SLCO2A1: variants seen among roughly 807,000 people sequenced by gnomAD.
The protein encoded by SLCO2A1 is matrin F/G 1.
Under a neutral mutation model 71.7 loss-of-function variants are expected in SLCO2A1, and 60 were observed. The observed-to-expected ratio is 0.84, with a 90% CI of 0.68 to 1.04. SLCO2A1 has a LOEUF of 1.04. SLCO2A1 is among the 50% of genes least tolerant of loss of function. SLCO2A1 has a pLI of 0.00. For synonymous variants in SLCO2A1, 308 were observed against 326.7 expected, an observed-to-expected ratio of 0.94 and a Z score of 0.62; for missense variants, 745 against 813.4, an observed-to-expected ratio of 0.92 and a Z score of 1.02.
At chr3:133,937,961 G>A (rs563273642) in intron 12 of SLCO2A1, among the ~76,000 whole-genome samples, 9 of 152,224 alleles carry the variant, frequency 5.9e-5, no homozygotes, top group Non-Finnish European at 1.3e-4. Context: ...GCTCTGGACT[G>A]CTTGAGGGCA....
At chr3:134,014,741 G>A (rs759320517) in intron 1 of SLCO2A1, among the ~76,000 whole-genome samples, 3 of 152,180 alleles carry the variant, frequency 2.0e-5, no homozygotes, top group African/African-American at 4.8e-5. Flanking sequence ...GAGATGTTCC[G>A]TGGTCACGGG....
chr3:134,017,370 C>G (rs1935476808), intron 1 of SLCO2A1, among the ~76,000 whole-genome samples: 1 of 152,178 alleles, frequency 6.6e-6, no homozygotes, highest in Admixed American at 6.5e-5. Context: ...GCACTAGGAA[C>G]TCAGCTGACT....
At chr3:134,024,554 T>C (rs1935658874) in intron 1 of SLCO2A1, among the ~76,000 whole-genome samples, 1 of 152,200 alleles carries the variant, frequency 6.6e-6, no homozygotes, top group Non-Finnish European at 1.5e-5. Context: ...AAATGGCAGT[T>C]GGAGTTTTAA....
intron 1 of SLCO2A1, among the ~76,000 whole-genome samples, chr3:133,993,317 G>A (rs1018278326): frequency 6.6e-6 from 1 of 152,254 alleles, no homozygotes; most frequent in East Asian, 1.9e-4. Context: ...TTTGTGTTGT[G>A]TTTCTTTTCT....
chr3:134,002,890 A>G (rs572297708), intron 1 of SLCO2A1, among the ~76,000 whole-genome samples: 17 of 152,306 alleles, frequency 1.1e-4, no homozygotes, highest in African/African-American at 3.8e-4. Flanking sequence ...AAAACAGCGC[A>G]GCTAAAAAAA....
intron 9 of SLCO2A1, among the ~76,000 whole-genome samples, 196 bp downstream of exon 9, chr3:133,947,060 G>T (rs1933596584): frequency 6.6e-6 from 1 of 151,998 alleles, no homozygotes; most frequent in Admixed American, 6.6e-5. Flanking sequence ...CTTGAACCTG[G>T]GAGGTGGAGT....
intron 3 of SLCO2A1, among the ~76,000 whole-genome samples, chr3:133,971,101 G>A (rs929194421): frequency 1.3e-5 from 2 of 152,218 alleles, no homozygotes; most frequent in Middle Eastern, 3.2e-3. Context: ...AGCAGGCCAC[G>A]ATGTGTGGCG....
Position 133,945,218 on chromosome 3 carries a change from C to G in SLCO2A1, c.1338G>C (p.Arg446Ser), listed in dbSNP as rs764996336. Reference sequence around the variant, plus strand: ...AGATAGAATCTGGGCACGAGCAGTCCCTGCGGCAGGCAGGAGACTGCGGAT... The same window carrying G: ...AGATAGAATCTGGGCACGAGCAGTCGCTGCGGCAGGCAGGAGACTGCGGAT... Reference protein sequence around the residue: ...SIHPQSPACRRDCSCPDSIFH... With the variant: ...SIHPQSPACRSDCSCPDSIFH... The change falls in exon 10 of 14, where the codon AGG (arginine) becomes AGC (serine). Residue 446 changes from arginine (R) to serine (S), a missense_variant. By Grantham distance (110) the Arg-to-Ser change is moderately radical. Coordinates refer to ENST00000310926, the MANE Select transcript of SLCO2A1 (RefSeq NM_005630.3). The G allele has an allele frequency of 6.2e-7, 1 of 1,613,682 alleles. No individual in the cohort carries two copies. Among genetic ancestry groups the G allele is most frequent in the Non-Finnish European group, 8.5e-7 (1 of 1,179,856 alleles).
chr3:133,968,258 G>T (rs909969333), intron 3 of SLCO2A1, among the ~76,000 whole-genome samples: 1 of 148,818 alleles, frequency 6.7e-6, no homozygotes, highest in African/African-American at 2.5e-5. Context: ...TCATAGACAC[G>T]CCTCCCTCAC....
intron 12 of SLCO2A1, among the ~76,000 whole-genome samples, chr3:133,937,117 T>C (rs988110720): frequency 2.6e-5 from 4 of 152,138 alleles, no homozygotes; most frequent in Non-Finnish European, 4.4e-5. Context: ...GAGAGAGTCC[T>C]TGTTTTCAAG....
intron 1 of SLCO2A1, among the ~76,000 whole-genome samples, chr3:133,990,937 C>T (rs1031249371): frequency 1.3e-5 from 2 of 152,020 alleles, no homozygotes; most frequent in Non-Finnish European, 2.9e-5. Context: ...TGGTAAAACC[C>T]CATCTCTACT....
chr3:133,961,690 T>A (rs1440251981), intron 3 of SLCO2A1, among the ~76,000 whole-genome samples: 3 of 148,776 alleles, frequency 2.0e-5, no homozygotes, highest in African/African-American at 7.3e-5. Flanking sequence ...TATTAAAATA[T>A]GTATTTAAAA....
At chr3:133,956,228 G>C (rs964989131) in intron 3 of SLCO2A1, among the ~76,000 whole-genome samples, 1 of 152,174 alleles carries the variant, frequency 6.6e-6, no homozygotes, top group African/African-American at 2.4e-5. Flanking sequence ...AAGTCCCACA[G>C]AGAGGAAAAC....
At chr3:133,979,421 G>C in intron 2 of SLCO2A1, 60 bp downstream of exon 2, 2 of 1,604,094 alleles carry the variant, frequency 1.2e-6, no homozygotes, top group Non-Finnish European at 1.7e-6. Flanking sequence ...TGCTTCTCCT[G>C]GATCTTGTGG....
intron 1 of SLCO2A1, among the ~76,000 whole-genome samples, chr3:134,029,273 CG>C (rs1935767901): frequency 1.3e-5 from 2 of 152,006 alleles, no homozygotes; most frequent in South Asian, 2.1e-4. Context: ...CCCCAAAGCG[CG>C]GGGGGTCCCC....
intron 1 of SLCO2A1, among the ~76,000 whole-genome samples, chr3:134,029,473 A>AAAACACACACAC (rs1553760488): frequency 1.3e-5 from 2 of 149,890 alleles, no homozygotes; most frequent in African/African-American, 4.9e-5. Context: ...AAGGCGTGTG[A>AAAACACACACAC]ACACACACAC....
intron 1 of SLCO2A1, chr3:133,998,498 C>T (rs1935028502): frequency 6.6e-6 from 1 of 152,588 alleles, no homozygotes; most frequent in Admixed American, 6.5e-5. Flanking sequence ...CCTGTCCACA[C>T]TGGCCTTTTG....
chr3:133,958,005 G>A (rs1419259315), intron 3 of SLCO2A1, among the ~76,000 whole-genome samples: 1 of 152,180 alleles, frequency 6.6e-6, no homozygotes. Context: ...AAGAAGGCTG[G>A]TGCAGCTCAG....
chr3:133,989,050 A>G (rs959697808), intron 1 of SLCO2A1, among the ~76,000 whole-genome samples: 2 of 152,228 alleles, frequency 1.3e-5, no homozygotes, highest in South Asian at 2.1e-4. Context: ...CACGTCTCAG[A>G]TGGAAAAGGA....
Sources: allele counts gnomAD v4.1 joint callset (sites outside exome capture counted in the v4.1 genomes callset), GRCh38; gene constraint gnomAD v4.1.1; transcripts MANE v1.5; gene names NCBI Gene and HGNC (gene_info 2026-07-23, HGNC 2026-07-21).